SYNE1: variants seen among roughly 807,000 people sequenced by gnomAD.
SYNE1 encodes nesprin-1.
SYNE1 carries 616 observed loss-of-function variants against 1,111.0 expected under a neutral mutation model. The observed-to-expected ratio is 0.55, with a 90% CI of 0.52 to 0.59. The LOEUF (loss-of-function observed/expected upper bound fraction) is 0.59. Among genes scored for constraint, SYNE1 ranks in the 20% least tolerant of loss-of-function variants. The pLI, the probability that SYNE1 is intolerant of heterozygous loss-of-function variation, is 0.00. For synonymous variants in SYNE1, 3,855 were observed against 3,825.8 expected, an observed-to-expected ratio of 1.01 and a Z score of -0.28; for missense variants, 10,006 against 10,417.0, an observed-to-expected ratio of 0.96 and a Z score of 1.72.
At chr6:152,386,841 C>T (rs1301868307) in intron 54 of SYNE1, among the ~76,000 whole-genome samples, 1 of 151,964 alleles carries the variant, frequency 6.6e-6, no homozygotes, top group Non-Finnish European at 1.5e-5. Context: ...AAAGAATAAT[C>T]CCAAGATTGT....
chr6:152,359,240 A>C, intron 65 of SYNE1, 75 bp downstream of exon 65: 1 of 1,594,284 alleles, frequency 6.3e-7, no homozygotes, highest in Non-Finnish European at 8.6e-7. Flanking sequence ...TCTTGAACAT[A>C]AATGAGTCTT....
intron 97 of SYNE1, among the ~76,000 whole-genome samples, chr6:152,280,293 T>C (rs774906569): frequency 3.3e-5 from 5 of 152,252 alleles, no homozygotes; most frequent in African/African-American, 1.2e-4. Context: ...TTTTAAAAAC[T>C]ATTTTCTGGT....
chr6:152,464,443 A>C lies in SYNE1; in HGVS notation c.1932+815T>G, dbSNP rs566386438. ...CACTGCCAGTCTAATCAGAAAAGCC[A>C]AAATCTGTATGGGTACATAGTTATT... is the stretch of plus-strand genomic sequence containing the variant. On this transcript the variant is annotated intron_variant, in intron 18 of 145. Transcript: ENST00000367255. Among the ~76,000 whole-genome samples, 193 of 152,330 alleles carry C rather than the reference A, an allele frequency of 1.3e-3. 2 individuals carry two copies. The highest frequency in any genetic ancestry group is 3.1e-3 in the Admixed American group (47 of 15,294).
intron 98 of SYNE1, among the ~76,000 whole-genome samples, chr6:152,270,043 C>T (rs917382214): frequency 2.6e-5 from 4 of 152,132 alleles, no homozygotes; most frequent in Non-Finnish European, 5.9e-5. Flanking sequence ...ACTCAAGTCC[C>T]AAGACACTGA....
intron 2 of SYNE1, among the ~76,000 whole-genome samples, chr6:152,634,816 G>A (rs889654630): frequency 2.6e-5 from 4 of 152,202 alleles, no homozygotes; most frequent in Non-Finnish European, 4.4e-5. Flanking sequence ...CCTTGCTACA[G>A]TATATTGCAC....
At chr6:152,480,844 ACT>A in intron 14 of SYNE1, 2 of 451,376 alleles carry the variant, frequency 4.4e-6, no homozygotes, top group Non-Finnish European at 8.9e-6. Context: ...ATTTTCTCCA[ACT>A]CCTGCCCCTC....
At position 152,325,265 on chromosome 6, in the gene SYNE1, A is replaced by C. The variant is rs1474047577; in HGVS notation, c.15476T>G (p.Ile5159Ser). 1.2e-6 allele frequency: 2 copies of C among 1,614,120 alleles called. No homozygotes were observed. The highest frequency in any genetic ancestry group is 3.3e-5 in the Admixed American group (2 of 60,012). Residue 5159 changes from isoleucine to serine, a missense_variant, in exon 81 of 146, where the codon ATT becomes AGT. Physicochemically the swap from Ile to Ser is moderately radical, Grantham distance 142 (BLOSUM62 -2). This residue lies in a region of SYNE1 where 4,955 missense variants were observed against 5,017.2 expected (regional missense o/e 0.99). Transcript: ENST00000367255. ...TGAAGCTTTTTCCTCAAGGGCCACAATTTTCTCATGGAAAGAGTTAACCAC... is the reference window on the plus strand; with the variant it reads ...TGAAGCTTTTTCCTCAAGGGCCACACTTTTCTCATGGAAAGAGTTAACCAC... ...VSVVNSFHEK[I>S]VALEEKASQL... is the part of the protein sequence containing the mutation.
intron 98 of SYNE1, among the ~76,000 whole-genome samples, chr6:152,275,802 G>C (rs553249529): frequency 2.7e-5 from 4 of 150,896 alleles, no homozygotes; most frequent in African/African-American, 9.7e-5. Context: ...CATTACTTGA[G>C]ACTGGGAGGC....
intron 10 of SYNE1, among the ~76,000 whole-genome samples, chr6:152,500,743 A>T (rs991102771): frequency 6.6e-6 from 1 of 151,922 alleles, no homozygotes; most frequent in African/African-American, 2.4e-5. Context: ...AGGTTAGGAG[A>T]TCAAGACCAT....
chr6:152,460,304 A>G (rs952064752), intron 21 of SYNE1, among the ~76,000 whole-genome samples: 1 of 152,206 alleles, frequency 6.6e-6, no homozygotes. Flanking sequence ...CAACCTTTAA[A>G]TTATAAATAA....
chr6:152,180,086 C>T lies in SYNE1; in HGVS notation c.23460+50G>A, dbSNP rs372715156. 2.5e-4 allele frequency: 408 copies of T among 1,601,464 alleles called. 5 individuals carry two copies. The highest frequency in any genetic ancestry group is 8.3e-4 in the Middle Eastern group (5 of 6,030). ...CCACCTTCTGTACCTGTGAAAAGTA[C>T]ACATAAGCCTTATGAAGAATGAAAA... On this transcript the variant is annotated intron_variant, in intron 129 of 145. Coordinates refer to ENST00000367255, the MANE Select transcript of SYNE1 (RefSeq NM_182961.4).
intron 38 of SYNE1, among the ~76,000 whole-genome samples, chr6:152,425,893 C>T (rs1376681665): frequency 6.6e-6 from 1 of 152,118 alleles, no homozygotes; most frequent in Non-Finnish European, 1.5e-5. Flanking sequence ...ATTTCTTTCA[C>T]GATGAAGAGA....
In SYNE1 at chr6:152,143,774, G is replaced by C. The variant is rs757812326; in HGVS notation, c.24977-9C>G. ...TAGGGCACTGTGGTCCCCTGCGGTG[G>C]CAACCATAAGAATCTTTACTGGACA... On this transcript the variant is annotated splice_polypyrimidine_tract_variant and intron_variant, in intron 137 of 145. Coordinates refer to ENST00000367255, the MANE Select transcript of SYNE1 (RefSeq NM_182961.4). 19 of 1,614,186 alleles carry C rather than the reference G, an allele frequency of 1.2e-5. No homozygotes were observed. The highest frequency in any genetic ancestry group is 1.4e-5 in the Non-Finnish European group (17 of 1,180,036).
At chr6:152,300,996 G>A (rs2095139234) in intron 92 of SYNE1, among the ~76,000 whole-genome samples, 1 of 152,158 alleles carries the variant, frequency 6.6e-6, no homozygotes, top group Non-Finnish European at 1.5e-5. Flanking sequence ...TCAGGGATGG[G>A]GGTGCATATG....
chr6:152,526,187 A>T lies in SYNE1; in HGVS notation c.130-12T>A. ...ATTGGAGGTTTCCGCTGTAAAAGCA[A>T]AGAGGAATAAGTGCAGAAAATATCT... On this transcript the variant is annotated splice_polypyrimidine_tract_variant and intron_variant, in intron 4 of 145. Transcript: ENST00000367255. The T allele has an allele frequency of 6.2e-7, 1 of 1,611,782 alleles. No homozygotes were observed. Among genetic ancestry groups the T allele is most frequent in the Non-Finnish European group, 8.5e-7 (1 of 1,177,966 alleles).
chr6:152,288,233 T>C (rs1467050186), intron 95 of SYNE1, among the ~76,000 whole-genome samples: 3 of 152,128 alleles, frequency 2.0e-5, no homozygotes, highest in African/African-American at 7.2e-5. Flanking sequence ...CACACACATT[T>C]ACATTTATAG....
chr6:152,178,520 T>C (rs995941693), intron 129 of SYNE1, among the ~76,000 whole-genome samples: 1 of 152,220 alleles, frequency 6.6e-6, no homozygotes, highest in African/African-American at 2.4e-5. Context: ...TAATGGCAAA[T>C]CCATTAGATT....
chr6:152,133,071 T>A (rs1034179542), intron 143 of SYNE1, among the ~76,000 whole-genome samples: 1 of 152,302 alleles, frequency 6.6e-6, no homozygotes, highest in South Asian at 2.1e-4. Context: ...CTTTTGGATT[T>A]AACAGAATCA....
intron 3 of SYNE1, among the ~76,000 whole-genome samples, chr6:152,609,024 C>G (rs1198670932): frequency 6.6e-6 from 1 of 152,042 alleles, no homozygotes; most frequent in Non-Finnish European, 1.5e-5. Flanking sequence ...ATAGGAAGAG[C>G]TCCAGTCTGC....
Sources: gnomAD v4.1 joint callset for allele counts (sites outside exome capture counted in the v4.1 genomes callset) on GRCh38, gnomAD v4.1.1 for gene constraint, gnomAD v4.1.1 regional missense constraint, MANE v1.5 for transcripts, NCBI Gene and HGNC (gene_info 2026-07-23, HGNC 2026-07-21) for gene names.